Variants in IKBKE observed in about 807,000 individuals in gnomAD.
The protein encoded by IKBKE is inhibitor of nuclear factor kappa B kinase subunit epsilon.
IKBKE carries 45 observed loss-of-function variants against 92.1 expected under a neutral mutation model. The ratio of observed to expected loss-of-function variants is 0.49; its 90% CI spans 0.38 to 0.63. The LOEUF (loss-of-function observed/expected upper bound fraction) is 0.63, where lower values mean the gene tolerates loss of function less well. Ranked by LOEUF, IKBKE falls within the 20% of genes least tolerant of loss-of-function variation. The pLI, the probability that IKBKE is intolerant of heterozygous loss-of-function variation, is 0.00. For missense variants in IKBKE, 700 were observed against 932.8 expected, an observed-to-expected ratio of 0.75 and a Z score of 3.25; for synonymous variants, 374 against 380.3, an observed-to-expected ratio of 0.98 and a Z score of 0.19.
chr1:206,485,475 G>A lies in IKBKE; in HGVS notation c.1616+169G>A, dbSNP rs543607091. 1.3e-5 allele frequency among the ~76,000 whole-genome samples: 2 copies of A among 152,152 alleles called. No individual in the cohort carries two copies. The highest frequency in any genetic ancestry group is 2.4e-5 in the African/African-American group (1 of 41,438). On this transcript the variant is annotated intron_variant, in intron 15 of 21. Transcript: ENST00000581977. The surrounding 1 kb of genome is among the most constrained non-coding windows in gnomAD (Gnocchi z 5.0). Reference sequence around the variant, plus strand: ...ATCCAGCAATAAACAAGAACCCCCCGACTGCCCCAGACACCAGCCAGGAGG... The same window carrying A: ...ATCCAGCAATAAACAAGAACCCCCCAACTGCCCCAGACACCAGCCAGGAGG...
At position 206,474,915 on chromosome 1, in the gene IKBKE, C is replaced by A. The variant is rs1553384828; in HGVS notation, c.279C>A (p.Ser93Arg). The A allele has an allele frequency of 6.2e-7, 1 of 1,613,948 alleles. No individual in the cohort carries two copies. The highest frequency in any genetic ancestry group is 8.5e-7 in the Non-Finnish European group (1 of 1,179,996). ...TGATGGAGTACTGCTCCAGTGGGAGCCTGCTGAGTGTGCTGGAGAGCCCTG... is the reference window on the plus strand; with the variant it reads ...TGATGGAGTACTGCTCCAGTGGGAGACTGCTGAGTGTGCTGGAGAGCCCTG... ...VLVMEYCSSG[S>R]LLSVLESPEN... Residue 93 changes from serine to arginine, a missense_variant, in exon 5 of 22, where the codon AGC becomes AGA. By Grantham distance (110) the Ser-to-Arg change is moderately radical. Transcript: ENST00000581977.
intron 13 of IKBKE, among the ~76,000 whole-genome samples, chr1:206,482,453 C>A (rs74145698): frequency 7.9e-4 from 121 of 152,328 alleles, no homozygotes; most frequent in African/African-American, 2.8e-3. Context: ...GCACGCTGGC[C>A]TGGGTCTGGC....
intron 8 of IKBKE, 88 bp downstream of exon 8, chr1:206,477,947 C>A: frequency 9.9e-7 from 1 of 1,011,510 alleles, no homozygotes; most frequent in Non-Finnish European, 1.5e-6. Context: ...AGGCCTGTTC[C>A]AGCAGGTTCC....
intron 20 of IKBKE, 44 bp from the exon 21 acceptor site, chr1:206,493,876 C>G (rs370361476): frequency 1.9e-6 from 3 of 1,560,582 alleles, no homozygotes; most frequent in Non-Finnish European, 2.6e-6. Flanking sequence ...CTGGGCAGGG[C>G]AACTTCCAGC....
At position 206,476,889 on chromosome 1, in the gene IKBKE, C is replaced by T; in HGVS notation, c.701+51C>T. 1 of 1,595,274 alleles carries T rather than the reference C, an allele frequency of 6.3e-7. No individual in the cohort carries two copies. Among genetic ancestry groups the T allele is most frequent in the South Asian group, 1.1e-5 (1 of 90,340 alleles). ...TGGGGCGGACTGGCAGTCCCCTGGC[C>T]CTTCCCCCACCGGTCCTTGCTGTGT... On this transcript the variant is annotated intron_variant, in intron 7 of 21. Coordinates refer to ENST00000581977, the MANE Select transcript of IKBKE (RefSeq NM_014002.4). The surrounding 1 kb of genome is among the most constrained non-coding windows in gnomAD (Gnocchi z 5.1).
intron 3 of IKBKE, 101 bp downstream of exon 3, chr1:206,473,415 G>T (rs1335527557): frequency 1.4e-5 from 11 of 811,040 alleles, no homozygotes; most frequent in Non-Finnish European, 2.0e-5. Context: ...GAGGGTGGTG[G>T]GACAGGGACC....
chr1:206,496,146 G>T lies in IKBKE; in HGVS notation c.*1G>T. On this transcript the variant is annotated 3_prime_UTR_variant, in exon 22 of 22. Transcript: ENST00000581977. ...AGTCCCAGCACCTCCTGATGTCTGA[G>T]CTCCATGGGGCACATGAGGCATCCT... 6.2e-7 allele frequency: 1 copy of T among 1,612,206 alleles called. No homozygotes were observed. The highest frequency in any genetic ancestry group is 8.5e-7 in the Non-Finnish European group (1 of 1,178,232).
At chr1:206,481,765 G>GTTTT (rs1553387096) in intron 13 of IKBKE, among the ~76,000 whole-genome samples, 2 of 117,968 alleles carry the variant, frequency 1.7e-5, no homozygotes, top group African/African-American at 6.5e-5. Context: ...GAAGGATGAG[G>GTTTT]CTTTTTTTTT....
At chr1:206,471,908 A>T (rs1664795992) in intron 2 of IKBKE, among the ~76,000 whole-genome samples, 1 of 152,360 alleles carries the variant, frequency 6.6e-6, no homozygotes. Context: ...AACCTGTAAG[A>T]TGTTAGAACA....
Position 206,478,088 on chromosome 1 carries a change from C to T in IKBKE, c.813-72C>T, listed in dbSNP as rs1665168706. 7.7e-7 allele frequency: 1 copy of T among 1,298,420 alleles called. No homozygotes were observed. Among genetic ancestry groups the T allele is most frequent in the Non-Finnish European group, 1.1e-6 (1 of 918,220 alleles). 80.4% of individuals were successfully genotyped at this position (1,298,420 alleles called of 1,614,324 possible). The stretch of plus-strand genomic sequence containing the variant: ...CTCTTCAGGATATTCTCTTAGAACG[C>T]TCCTATTGCCTGCTTAAGGAGGATA... On this transcript the variant is annotated intron_variant, in intron 8 of 21. Coordinates refer to ENST00000581977, the MANE Select transcript of IKBKE (RefSeq NM_014002.4). The surrounding 1 kb of genome is among the most constrained non-coding windows in gnomAD (Gnocchi z 4.8).
At position 206,478,041 on chromosome 1, in the gene IKBKE, T is replaced by G; in HGVS notation, c.813-119T>G. 1 of 527,780 alleles carries G rather than the reference T, an allele frequency of 1.9e-6. No homozygotes were observed. The highest frequency in any genetic ancestry group is 3.6e-6 in the Non-Finnish European group (1 of 278,116). The allele number at this position is 527,780 out of a possible 1,614,324, so 32.7% of individuals were successfully genotyped here. ...CCAGCTCTTCCTCCCCAACCCACCC[T>G]GCCCCACCATCTTGGTCCTAGCTCT... On this transcript the variant is annotated intron_variant, in intron 8 of 21. Transcript: ENST00000581977. This position sits in a 1 kb window ranked among gnomAD's most constrained non-coding sequence, Gnocchi z 4.8.
intron 12 of IKBKE, 42 bp from the exon 13 acceptor site, chr1:206,480,405 C>G: frequency 6.6e-7 from 1 of 1,509,570 alleles, no homozygotes; most frequent in Non-Finnish European, 9.2e-7. Context: ...GGTGCTGAGT[C>G]CCCCGATCAA....
rs1332453725 is a variant in IKBKE at position 206,473,241 on chromosome 1, C to A, written c.14C>A (p.Ala5Asp). 1 of 1,612,592 alleles carries A rather than the reference C, an allele frequency of 6.2e-7. No homozygotes were observed. Among genetic ancestry groups the A allele is most frequent in the Non-Finnish European group, 8.5e-7 (1 of 1,179,308 alleles). Residue 5 changes from alanine (A) to aspartate (D), a missense_variant, in exon 3 of 22, where the codon GCC becomes GAC. Transcript: ENST00000581977. MQST[A>D]NYLWHTDDLL... The stretch of plus-strand genomic sequence containing the variant: ...TCAGGGCAGGAGATGCAGAGCACAG[C>A]CAATTACCTGTGGCACACAGATGAC...
chr1:206,487,734 GACTGT>G lies in IKBKE; in HGVS notation c.1617-177_1617-173del, dbSNP rs1286792654. 6.6e-6 allele frequency among the ~76,000 whole-genome samples: 1 copy of G among 152,152 alleles called. No individual in the cohort carries two copies. The highest frequency in any genetic ancestry group is 2.4e-5 in the African/African-American group (1 of 41,426). ...CCATGAGAACGAGAGACGGCTGGCT[GACTGT>G]ACGGGGTCTCAAATAAGCCTAGAGA... On this transcript the variant is annotated intron_variant, in intron 15 of 21. Coordinates refer to ENST00000581977, the MANE Select transcript of IKBKE (RefSeq NM_014002.4). The surrounding 1 kb of genome is among the most constrained non-coding windows in gnomAD (Gnocchi z 5.3).
chr1:206,479,988 G>A (rs782439687), intron 11 of IKBKE, 34 bp from the exon 12 acceptor site: 2 of 1,612,426 alleles, frequency 1.2e-6, no homozygotes, highest in Non-Finnish European at 1.7e-6. Flanking sequence ...GGTAGGAGGT[G>A]TGGGACCTGG....
chr1:206,480,461 C>G lies in IKBKE; in HGVS notation c.1355C>G (p.Ala452Gly), dbSNP rs782681189. Residue 452 changes from alanine to glycine, a missense_variant, in exon 13 of 22, where the codon GCC (alanine) becomes GGC (glycine). Ala to Gly is a moderately conservative substitution (Grantham distance 60). Transcript: ENST00000581977. ...GLHWVMEVLQATCRRTLEVAR... is the reference protein window; with the variant it reads ...GLHWVMEVLQGTCRRTLEVAR... ...CCCTTGGACAGGGAGGTGCTCCAGG[C>G]CACATGCAGACGGACTCTGGAAGTG... 2 of 1,613,636 alleles carry G rather than the reference C, an allele frequency of 1.2e-6. 1 individual carries two copies. The highest frequency in any genetic ancestry group is 2.2e-5 in the South Asian group (2 of 91,040).
At chr1:206,480,273 G>A (rs1398680827) in intron 12 of IKBKE, among the ~76,000 whole-genome samples, 160 bp downstream of exon 12, 16 of 131,462 alleles carry the variant, frequency 1.2e-4, no homozygotes, top group Non-Finnish European at 2.7e-4. Context: ...GGGCAGAGAG[G>A]GGGAGGCGGG....
In IKBKE at chr1:206,476,852, C is replaced by T. The variant is rs1553385497; in HGVS notation, c.701+14C>T. On this transcript the variant is annotated intron_variant, in intron 7 of 21. Coordinates refer to ENST00000581977, the MANE Select transcript of IKBKE (RefSeq NM_014002.4). The surrounding 1 kb of genome is among the most constrained non-coding windows in gnomAD (Gnocchi z 5.1). ...CAAGGAGATCATGTACGGTGGGCCA[C>T]AGGGCAGGGAATGGGGCGGACTGGC... 1 of 1,614,046 alleles carries T rather than the reference C, an allele frequency of 6.2e-7. No individual in the cohort carries two copies.
intron 18 of IKBKE, chr1:206,492,567 C>T (rs1553390723): frequency 2.1e-6 from 1 of 471,986 alleles, no homozygotes; most frequent in Non-Finnish European, 4.4e-6. Context: ...GGCTGACCTC[C>T]AACCCCTGAT....
Sources: allele counts gnomAD v4.1 joint callset (sites outside exome capture counted in the v4.1 genomes callset), GRCh38; gene constraint gnomAD v4.1.1; non-coding constraint Gnocchi (gnomAD v3.1); transcripts MANE v1.5; gene names NCBI Gene and HGNC (gene_info 2026-07-23, HGNC 2026-07-21).